BCL6: variants seen among roughly 807,000 people sequenced by gnomAD.
BCL6 encodes B-cell lymphoma 6 protein.
Under a neutral mutation model 59.5 loss-of-function variants are expected in BCL6, and 7 were observed. That is an observed-to-expected ratio of 0.12 (90% confidence interval 0.07 to 0.22). The LOEUF (loss-of-function observed/expected upper bound fraction) is 0.22, where lower values mean the gene tolerates loss of function less well. Ranked by LOEUF, BCL6 falls within the 10% of genes least tolerant of loss-of-function variation. The pLI is 1.00. For missense variants in BCL6, 685 were observed against 939.4 expected, an observed-to-expected ratio of 0.73 and a Z score of 3.54; for synonymous variants, 339 against 349.7, an observed-to-expected ratio of 0.97 and a Z score of 0.34.
intron 9 of BCL6, among the ~76,000 whole-genome samples, chr3:187,723,817 G>A (rs1413747168): frequency 6.6e-6 from 1 of 152,184 alleles, no homozygotes; most frequent in Non-Finnish European, 1.5e-5. Context: ...CAGGCTGAAA[G>A]TCATTCTCAA....
At chr3:187,743,753 C>G (rs1379899388) in intron 1 of BCL6, among the ~76,000 whole-genome samples, 1 of 151,234 alleles carries the variant, frequency 6.6e-6, no homozygotes. Context: ...CGCCCGCCCC[C>G]GGAGCTCAGC....
At chr3:187,743,435 T>A (rs551077420) in intron 1 of BCL6, among the ~76,000 whole-genome samples, 1 of 152,112 alleles carries the variant, frequency 6.6e-6, no homozygotes, top group Admixed American at 6.5e-5. Flanking sequence ...TTTGGGGTCA[T>A]TTATCTGCTC....
intron 2 of BCL6, chr3:187,733,923 T>C (rs1327187943): frequency 2.0e-5 from 11 of 558,062 alleles, no homozygotes; most frequent in Non-Finnish European, 3.2e-5. Flanking sequence ...TAGAAAGCCC[T>C]TTAGGGGAAA....
intron 1 of BCL6, among the ~76,000 whole-genome samples, chr3:187,738,739 C>T (rs373620434): frequency 1.7e-4 from 26 of 152,302 alleles, no homozygotes; most frequent in South Asian, 4.1e-4. Context: ...TCACACTGCG[C>T]CGCTCATCCC....
chr3:187,734,753 G>A (rs1354451380), intron 2 of BCL6, 116 bp downstream of exon 2: 1 of 152,624 alleles, frequency 6.6e-6, no homozygotes, highest in African/African-American at 2.4e-5. Context: ...GAGGGAACTG[G>A]TTATCCTTGT....
At chr3:187,731,987 C>G (rs976410432) in intron 3 of BCL6, 57 bp from the exon 4 acceptor site, 2 of 1,441,812 alleles carry the variant, frequency 1.4e-6, no homozygotes, top group African/African-American at 2.8e-5. Flanking sequence ...TGATCCCTTA[C>G]AGTCAGCACT....
intron 9 of BCL6, among the ~76,000 whole-genome samples, chr3:187,723,001 C>T (rs1241849325): frequency 2.6e-5 from 4 of 152,198 alleles, no homozygotes; most frequent in East Asian, 1.9e-4. Context: ...CACAGCCCTC[C>T]GTGTGCATGG....
intron 1 of BCL6, among the ~76,000 whole-genome samples, chr3:187,741,700 C>G (rs1436283993): frequency 6.6e-6 from 1 of 152,172 alleles, no homozygotes; most frequent in Non-Finnish European, 1.5e-5. Context: ...ACGCGCCATT[C>G]GATGTTGATT....
chr3:187,745,447 C>T lies in BCL6; in HGVS notation c.-87G>A. 2.5e-6 allele frequency: 1 copy of T among 399,610 alleles called. No homozygotes were observed. The allele number at this position is 399,610 out of a possible 1,614,324, so 24.8% of individuals were successfully genotyped here. On this transcript the variant is annotated 5_prime_UTR_variant, in exon 1 of 10. Coordinates refer to ENST00000406870, the MANE Select transcript of BCL6 (RefSeq NM_001706.5). ...CTTTCCTAGAAACTTCTTGCATCAC[C>T]ACTTCTAAGAACCCCAGTTCTAAGA...
At chr3:187,730,384 C>T (rs1013491647) in intron 4 of BCL6, among the ~76,000 whole-genome samples, 1 of 152,218 alleles carries the variant, frequency 6.6e-6, no homozygotes, top group Non-Finnish European at 1.5e-5. Flanking sequence ...TCTCACTTCA[C>T]CCATGCAAAA....
At position 187,725,166 on chromosome 3, in the gene BCL6, GC is replaced by G; in HGVS notation, c.1840-89del. The G allele has an allele frequency of 6.4e-7, 1 of 1,566,544 alleles. No homozygotes were observed. The highest frequency in any genetic ancestry group is 8.7e-7 in the Non-Finnish European group (1 of 1,145,836). On this transcript the variant is annotated intron_variant, in intron 8 of 9. Coordinates refer to ENST00000406870, the MANE Select transcript of BCL6 (RefSeq NM_001706.5). This position sits in a 1 kb window ranked among gnomAD's most constrained non-coding sequence, Gnocchi z 4.7. ...TCATTAGCACACAGCCAGTGAGTGG[GC>G]CTTTCTCCAGGCCACTCTGCTCACC... is the stretch of plus-strand genomic sequence containing the variant.
At chr3:187,745,357 G>C (rs1711904266) in intron 1 of BCL6, 53 bp downstream of exon 1, 1 of 397,684 alleles carries the variant, frequency 2.5e-6, no homozygotes, top group African/African-American at 2.1e-5. Context: ...AGCGGCAACA[G>C]CGGCGGCGGC....
chr3:187,730,248 C>A (rs570891489), intron 4 of BCL6, among the ~76,000 whole-genome samples: 1 of 152,192 alleles, frequency 6.6e-6, no homozygotes, highest in African/African-American at 2.4e-5. Flanking sequence ...GAGTTTCCGG[C>A]ATGATCTATG....
chr3:187,736,258 A>C (rs1719276433), intron 1 of BCL6: 1 of 152,300 alleles, frequency 6.6e-6, no homozygotes, highest in African/African-American at 2.4e-5. Context: ...GAGAAGACAG[A>C]AAAAGACAAA....
chr3:187,733,314 G>A (rs1255791450), intron 3 of BCL6, among the ~76,000 whole-genome samples: 1 of 151,700 alleles, frequency 6.6e-6, no homozygotes. Context: ...CTCCCTCTAT[G>A]CCCACAGAAC....
At position 187,741,590 on chromosome 3, in the gene BCL6, G is replaced by C. The variant is rs1171546755; in HGVS notation, c.-50+3820C>G. On this transcript the variant is annotated intron_variant, in intron 1 of 9. Coordinates refer to ENST00000406870, the MANE Select transcript of BCL6 (RefSeq NM_001706.5). Reference sequence around the variant, plus strand: ...GAGGGGCCGTTCCTGGTTTCCACTGGGGCAAAGAGAAACCAGCCAGTTCTG... The same window carrying C: ...GAGGGGCCGTTCCTGGTTTCCACTGCGGCAAAGAGAAACCAGCCAGTTCTG... Among the ~76,000 whole-genome samples the C allele has an allele frequency of 4.6e-5, 7 of 152,220 alleles. No homozygotes were observed. In the East Asian group the frequency reaches 1.4e-3, roughly 29 times the overall value.
At chr3:187,745,190 T>C (rs538361607) in intron 1 of BCL6, among the ~76,000 whole-genome samples, 5 of 152,270 alleles carry the variant, frequency 3.3e-5, no homozygotes, top group East Asian at 1.9e-4. Flanking sequence ...TCTTCGGCAT[T>C]TATTTTAACA....
At chr3:187,728,570 C>G in intron 5 of BCL6, 26 bp from the exon 6 acceptor site, 1 of 1,585,272 alleles carries the variant, frequency 6.3e-7, no homozygotes, top group Non-Finnish European at 8.5e-7. Flanking sequence ...AAAACAGCCT[C>G]AGCACCTGGG....
intron 3 of BCL6, chr3:187,732,270 T>G (rs529311988): frequency 2.6e-6 from 1 of 380,408 alleles, no homozygotes; most frequent in South Asian, 2.2e-5. Context: ...GAGTTAAATT[T>G]AGCCCCTTTG....
Sources: gnomAD v4.1 joint callset for allele counts (sites outside exome capture counted in the v4.1 genomes callset) on GRCh38, gnomAD v4.1.1 for gene constraint, Gnocchi (gnomAD v3.1) non-coding constraint, MANE v1.5 for transcripts, NCBI Gene and HGNC (gene_info 2026-07-23, HGNC 2026-07-21) for gene names.